The following MCC variants were observed in gnomAD, a reference collection of about 807,000 sequenced individuals.
MCC encodes the protein colorectal mutant cancer protein.
A neutral mutation model predicts 116.2 loss-of-function variants in MCC; 90 were observed. The ratio of observed to expected loss-of-function variants is 0.77; its 90% CI spans 0.65 to 0.92. The LOEUF is 0.92. Among genes scored for constraint, MCC ranks in the 40% least tolerant of loss-of-function variants. The pLI is 0.00. For synonymous variants in MCC, 578 were observed against 510.5 expected, an observed-to-expected ratio of 1.13 and a Z score of -1.78; for missense variants, 1,516 against 1,312.2, an observed-to-expected ratio of 1.16 and a Z score of -2.40.
At chr5:113,182,654 T>G (rs1011530862) in intron 3 of MCC, among the ~76,000 whole-genome samples, 5 of 152,196 alleles carry the variant, frequency 3.3e-5, no homozygotes, top group African/African-American at 9.6e-5. Context: ...AGGGAAATAT[T>G]AATGCACTTG....
intron 1 of MCC, among the ~76,000 whole-genome samples, chr5:113,385,677 A>G (rs1769237308): frequency 6.6e-6 from 1 of 152,210 alleles, no homozygotes; most frequent in South Asian, 2.1e-4. Flanking sequence ...AGCTTTCTGG[A>G]CCAATCAGCT....
intron 1 of MCC, among the ~76,000 whole-genome samples, chr5:113,486,793 G>A (rs1040908137): frequency 2.7e-5 from 4 of 150,664 alleles, no homozygotes; most frequent in African/African-American, 4.9e-5. Flanking sequence ...AGTGAGCCAA[G>A]ACCACGCCAC....
At chr5:113,429,244 A>G (rs2150410098) in intron 1 of MCC, among the ~76,000 whole-genome samples, 1 of 152,124 alleles carries the variant, frequency 6.6e-6, no homozygotes, top group African/African-American at 2.4e-5. Flanking sequence ...TCCTAATCCA[A>G]TTGGACTGTA....
Position 113,027,332 on chromosome 5 carries a change from G to T in MCC, c.3030C>A (p.Ser1010=), listed in dbSNP as rs1391615678. 1 of 1,614,186 alleles carries T rather than the reference G, an allele frequency of 6.2e-7. No individual in the cohort carries two copies. Among genetic ancestry groups the T allele is most frequent in the East Asian group, 2.2e-5 (1 of 44,886 alleles). The change falls in exon 19 of 19, where the codon TCC becomes TCA. Residue 1010 remains serine (S), a synonymous_variant. Transcript: ENST00000408903. The stretch of plus-strand genomic sequence containing the variant: ...GCGAAGTTTCATTGGTGTGTGGCCT[G>T]GAGTTCTCCTCCTCTAGCAGAGCTA... ...QRIALLEEEN[S]RPHTNETSL
intron 3 of MCC, among the ~76,000 whole-genome samples, chr5:113,162,196 T>C (rs1299177548): frequency 2.0e-5 from 3 of 152,180 alleles, no homozygotes; most frequent in African/African-American, 7.2e-5. Context: ...CTCGGATCAC[T>C]TTGTTCCCAG....
At chr5:113,064,792 G>A (rs1301421268) in intron 13 of MCC, among the ~76,000 whole-genome samples, 1 of 152,208 alleles carries the variant, frequency 6.6e-6, no homozygotes, top group African/African-American at 2.4e-5. Flanking sequence ...ACATCAGGGT[G>A]TGGTGGGCAC....
In MCC at chr5:113,309,302, A is replaced by G. The variant is rs192431874; in HGVS notation, c.627+31217T>C. 2.7e-3 allele frequency among the ~76,000 whole-genome samples: 409 copies of G among 152,320 alleles called. 1 individual carries two copies. The highest frequency in any genetic ancestry group is 0.01 in the Middle Eastern group (3 of 294). ...AGTGTAGCCATCACTCAAATAGTGTACACTGTAGCCAATAGGTAATTTTTT... is the reference window on the plus strand; with the variant it reads ...AGTGTAGCCATCACTCAAATAGTGTGCACTGTAGCCAATAGGTAATTTTTT... On this transcript the variant is annotated intron_variant, in intron 3 of 18. Transcript: ENST00000408903.
chr5:113,189,893 C>T (rs57200271), intron 3 of MCC, among the ~76,000 whole-genome samples: 3,099 of 152,296 alleles, frequency 0.02, 117 homozygotes, highest in African/African-American at 0.07. Context: ...AGCTATATAA[C>T]ATTCCTGCAG....
intron 3 of MCC, among the ~76,000 whole-genome samples, chr5:113,302,732 A>G (rs1766894039): frequency 2.0e-5 from 3 of 152,214 alleles, no homozygotes; most frequent in African/African-American, 7.2e-5. Context: ...ACTATAGCTC[A>G]GTGATAGGTA....
intron 6 of MCC, among the ~76,000 whole-genome samples, chr5:113,112,231 G>T (rs1293669780): frequency 6.6e-6 from 1 of 152,152 alleles, no homozygotes; most frequent in Non-Finnish European, 1.5e-5. Context: ...TCTTTATTAA[G>T]CTTTGCCTTT....
chr5:113,272,230 T>C (rs1238151174), intron 3 of MCC, among the ~76,000 whole-genome samples: 2 of 152,170 alleles, frequency 1.3e-5, no homozygotes, highest in Non-Finnish European at 2.9e-5. Flanking sequence ...AAGTTCCTCA[T>C]CATGTCAGGC....
chr5:113,071,259 C>T lies in MCC; in HGVS notation c.1785-25G>A, dbSNP rs571495337. The T allele has an allele frequency of 3.8e-5, 61 of 1,609,618 alleles. 1 individual carries two copies. The Middle Eastern group carries it at 8.3e-4, about 22-fold the overall frequency. ...GCTACAAAGGAACAAAAATCAGATT[C>T]ACACTAGGGTTACAGTTAATTTGCC... On this transcript the variant is annotated intron_variant, in intron 11 of 18. Coordinates refer to ENST00000408903, the MANE Select transcript of MCC (RefSeq NM_001085377.2).
intron 13 of MCC, among the ~76,000 whole-genome samples, chr5:113,065,793 T>C (rs1753561737): frequency 6.6e-6 from 1 of 152,186 alleles, no homozygotes. Context: ...TATGGCATGA[T>C]GGGTGGCATG....
chr5:113,113,483 C>G (rs925925699), intron 6 of MCC, among the ~76,000 whole-genome samples: 2 of 152,040 alleles, frequency 1.3e-5, no homozygotes, highest in East Asian at 3.9e-4. Flanking sequence ...GAGGTTACCC[C>G]TTGCTTTGTG....
chr5:113,271,156 A>G (rs1765604454), intron 3 of MCC, among the ~76,000 whole-genome samples: 1 of 152,212 alleles, frequency 6.6e-6, no homozygotes, highest in Non-Finnish European at 1.5e-5. Context: ...TTACATTTCT[A>G]AGCACAGAAT....
intron 3 of MCC, among the ~76,000 whole-genome samples, chr5:113,195,187 G>C (rs911415185): frequency 6.6e-6 from 1 of 152,342 alleles, no homozygotes; most frequent in Non-Finnish European, 1.5e-5. Context: ...TGGACCTCGT[G>C]AGGGGGTCGA....
intron 14 of MCC, among the ~76,000 whole-genome samples, chr5:113,061,134 C>T (rs1753187884): frequency 6.6e-6 from 1 of 152,178 alleles, no homozygotes; most frequent in Admixed American, 6.5e-5. Flanking sequence ...GGGATTACAC[C>T]CCAGAGTGAG....
At chr5:113,269,152 G>A in intron 3 of MCC, 2 of 985,304 alleles carry the variant, frequency 2.0e-6, no homozygotes, top group African/African-American at 1.7e-5. Flanking sequence ...AGACAAGGCA[G>A]AATAATTCTC....
At position 113,049,126 on chromosome 5, in the gene MCC, G is replaced by A. The variant is rs757359272; in HGVS notation, c.2622C>T (p.Ser874=). 1.2e-6 allele frequency: 2 copies of A among 1,614,184 alleles called. No individual in the cohort carries two copies. Among genetic ancestry groups the A allele is most frequent in the Non-Finnish European group, 1.7e-6 (2 of 1,180,014 alleles). ...QKEQRMRSLS[S]TSSGSKDKPG... The stretch of plus-strand genomic sequence containing the variant: ...GTTTGTCTTTGCTGCCGCTGCTGGT[G>A]GAGCTGAGGGATCGCATCCGCTGCT... Residue 874 remains serine, a synonymous_variant, in exon 16 of 19, where the codon TCC becomes TCT. Coordinates refer to ENST00000408903, the MANE Select transcript of MCC (RefSeq NM_001085377.2).
Sources: gnomAD v4.1 joint callset for allele counts (sites outside exome capture counted in the v4.1 genomes callset) on GRCh38, gnomAD v4.1.1 for gene constraint, MANE v1.5 for transcripts, NCBI Gene and HGNC (gene_info 2026-07-23, HGNC 2026-07-21) for gene names.